The following LY96 variants were observed in gnomAD, a reference collection of about 807,000 sequenced individuals.
LY96 encodes the protein lymphocyte antigen 96.
LY96 carries 18 observed loss-of-function variants against 18.9 expected under a neutral mutation model. The observed-to-expected ratio is 0.95, with a 90% CI of 0.66 to 1.41. LY96 has a LOEUF of 1.41. Ranked by LOEUF, LY96 falls within the 40% of genes most tolerant of loss-of-function variation. The pLI, the probability that LY96 is intolerant of heterozygous loss-of-function variation, is 0.00. For missense variants in LY96, 175 were observed against 182.4 expected (o/e 0.96, Z 0.23); for synonymous variants, 66 against 62.6 (o/e 1.06, Z -0.26).
intron 1 of LY96, among the ~76,000 whole-genome samples, chr8:74,001,994 C>T (rs568479157): frequency 1.2e-4 from 7 of 59,812 alleles, no homozygotes; most frequent in Admixed American, 2.0e-4. Context: ...CTCCCTCCCT[C>T]CTTTCTTCCT....
At chr8:74,011,577 G>C (rs886428044) in intron 3 of LY96, among the ~76,000 whole-genome samples, 1 of 152,162 alleles carries the variant, frequency 6.6e-6, no homozygotes, top group South Asian at 2.1e-4. Context: ...AGTGGGAAGA[G>C]TGGCTAGGCG....
intron 1 of LY96, 23 bp downstream of exon 1, chr8:73,991,577 T>TA: frequency 1.5e-6 from 2 of 1,331,520 alleles, no homozygotes; most frequent in Non-Finnish European, 1.1e-6. Flanking sequence ...GCAAAACAAA[T>TA]AATTGTAGCA....
chr8:74,072,890 A>G, the LY96 span, among the ~76,000 whole-genome samples: 1 of 152,294 alleles, frequency 6.6e-6, no homozygotes, highest in South Asian at 2.1e-4. Context: ...TCAGGGTCCA[A>G]CCAGGGGAGC....
At chr8:74,081,122 T>TTTCCTTCC in the LY96 span, among the ~76,000 whole-genome samples, 9 of 124,258 alleles carry the variant, frequency 7.2e-5, no homozygotes, top group African/African-American at 2.4e-4. Flanking sequence ...TCTTTCTTTC[T>TTTCCTTCC]TTCCTTCCTT....
At chr8:74,088,581 C>T in the LY96 span, among the ~76,000 whole-genome samples, 4 of 152,158 alleles carry the variant, frequency 2.6e-5, no homozygotes, top group Admixed American at 1.3e-4. Context: ...GGGAACCCTC[C>T]TGAGTATTTA....
chr8:74,050,600 A>T, the LY96 span, among the ~76,000 whole-genome samples: 1 of 152,140 alleles, frequency 6.6e-6, no homozygotes, highest in East Asian at 1.9e-4. Flanking sequence ...TTTCAATTTT[A>T]TTATTGTTAT....
At chr8:74,061,887 A>T in the LY96 span, among the ~76,000 whole-genome samples, 51 of 152,298 alleles carry the variant, frequency 3.3e-4, no homozygotes, top group Non-Finnish European at 7.1e-4. Context: ...GGGTAGAGGG[A>T]GGGAGAGGAT....
chr8:74,079,966 A>G, the LY96 span, among the ~76,000 whole-genome samples: 2 of 152,230 alleles, frequency 1.3e-5, no homozygotes, highest in Non-Finnish European at 2.9e-5. Context: ...AGGCTGTGGG[A>G]TACTCCAATG....
chr8:74,050,891 C>A, the LY96 span, among the ~76,000 whole-genome samples: 1 of 152,012 alleles, frequency 6.6e-6, no homozygotes, highest in Non-Finnish European at 1.5e-5. Flanking sequence ...GGCGTGGTGG[C>A]ACGCACCTGT....
At chr8:74,016,231 G>T (rs1816639446) in intron 3 of LY96, among the ~76,000 whole-genome samples, 1 of 152,224 alleles carries the variant, frequency 6.6e-6, no homozygotes, top group South Asian at 2.1e-4. Flanking sequence ...GGCTCAGTGG[G>T]TCCCATGCCC....
chr8:73,999,734 G>C (rs1816225520), intron 1 of LY96, among the ~76,000 whole-genome samples: 1 of 152,118 alleles, frequency 6.6e-6, no homozygotes, highest in Admixed American at 6.6e-5. Context: ...GCCCAGGCTA[G>C]TCTTGAACTC....
the LY96 span, among the ~76,000 whole-genome samples, chr8:74,063,755 AT>A: frequency 7.1e-6 from 1 of 141,044 alleles, no homozygotes; most frequent in Non-Finnish European, 1.5e-5. Flanking sequence ...TAAAATTTAT[AT>A]TTTCCCACCT....
At chr8:74,028,905 T>G (rs192589444) in intron 4 of LY96, 51 bp from the exon 5 acceptor site, 2 of 1,071,304 alleles carry the variant, frequency 1.9e-6, no homozygotes, top group South Asian at 1.3e-5. Context: ...GCCTCTGAAA[T>G]AGTAGCATCT....
chr8:74,044,840 T>C, the LY96 span, among the ~76,000 whole-genome samples: 1 of 152,218 alleles, frequency 6.6e-6, no homozygotes, highest in South Asian at 2.1e-4. Flanking sequence ...GTCTTGTCAG[T>C]GGGTTGTCAA....
the LY96 span, among the ~76,000 whole-genome samples, chr8:74,071,031 TC>T: frequency 6.6e-6 from 1 of 152,144 alleles, no homozygotes; most frequent in Non-Finnish European, 1.5e-5. Context: ...CTTATTCTCA[TC>T]CCCATTTTAA....
the LY96 span, among the ~76,000 whole-genome samples, chr8:74,074,450 G>A: frequency 6.6e-6 from 1 of 151,014 alleles, no homozygotes; most frequent in Non-Finnish European, 1.5e-5. Flanking sequence ...TTTTAATTTT[G>A]TTGATGTTTT....
At chr8:74,005,896 A>G (rs1277506215) in intron 2 of LY96, among the ~76,000 whole-genome samples, 1 of 152,166 alleles carries the variant, frequency 6.6e-6, no homozygotes, top group Non-Finnish European at 1.5e-5. Flanking sequence ...TTAGATTTGG[A>G]GCTTGTTTTA....
chr8:74,088,153 A>AGAAAAGAAT, the LY96 span, among the ~76,000 whole-genome samples: 9 of 70,168 alleles, frequency 1.3e-4, no homozygotes, highest in South Asian at 3.4e-3. Context: ...TAGAATAGAA[A>AGAAAAGAAT]AGAATAGAAA....
At chr8:74,085,064 G>T in the LY96 span, among the ~76,000 whole-genome samples, 3 of 152,222 alleles carry the variant, frequency 2.0e-5, no homozygotes, top group African/African-American at 7.2e-5. Flanking sequence ...TTAAATGAGA[G>T]AAATGAAGCT....
Sources: gnomAD v4.1 joint callset for allele counts (sites outside exome capture counted in the v4.1 genomes callset) on GRCh38, gnomAD v4.1.1 for gene constraint, MANE v1.5 for transcripts, NCBI Gene and HGNC (gene_info 2026-07-23, HGNC 2026-07-21) for gene names.